Variants in PINK1 observed in about 807,000 individuals in gnomAD.
The protein encoded by PINK1 is PTEN induced kinase 1.
A neutral mutation model predicts 56.0 loss-of-function variants in PINK1; 58 were observed. That is an observed-to-expected ratio of 1.04 (90% confidence interval 0.84 to 1.29). The LOEUF is 1.29. Among genes scored for constraint, PINK1 ranks in the 50% most tolerant of loss-of-function variants. The pLI, the probability that PINK1 is intolerant of heterozygous loss-of-function variation, is 0.00. For synonymous variants in PINK1, 354 were observed against 339.3 expected (o/e 1.04, Z -0.48); for missense variants, 745 against 777.9 (o/e 0.96, Z 0.50).
At chr1:20,634,000 TG>T in intron 1 of PINK1, 65 bp downstream of exon 1, 1 of 696,620 alleles carries the variant, frequency 1.4e-6, no homozygotes, top group Non-Finnish European at 1.9e-6. Context: ...GGTCCTCAGC[TG>T]GGTGGGGGCG....
rs777060019 is a variant in PINK1 at position 20,648,526 on chromosome 1, T to C, written c.1145T>C (p.Ile382Thr). The change falls in exon 6 of 8, where the codon ATC becomes ACC. Residue 382 changes from isoleucine to threonine, a missense_variant. Transcript: ENST00000321556. ...CCAGACGGCTGCCCCTGGCTGGTGA[T>C]CGCAGATTTTGGCTGCTGCCTGGCT... ...LDPDGCPWLVIADFGCCLADE... is the reference protein window; with the variant it reads ...LDPDGCPWLVTADFGCCLADE... 6.2e-7 allele frequency: 1 copy of C among 1,614,184 alleles called. No homozygotes were observed. Among genetic ancestry groups the C allele is most frequent in the South Asian group, 1.1e-5 (1 of 91,088 alleles).
intron 4 of PINK1, among the ~76,000 whole-genome samples, chr1:20,645,172 C>T (rs754528347): frequency 6.6e-6 from 1 of 152,104 alleles, no homozygotes; most frequent in Non-Finnish European, 1.5e-5. Context: ...GGAAGAGGAA[C>T]GGCCTAACCC....
rs752317048 is a variant in PINK1, at chr1:20,650,634, G to A, written c.1689G>A (p.Glu563=). The part of the protein sequence containing the change: ...KMKMLFLANL[E]CETLCQAALL... ...AGATGCTCTTTCTGGCTAACCTGGAGTGTGAAACGCTCTGCCAGGCAGCCC... is the reference window on the plus strand; with the variant it reads ...AGATGCTCTTTCTGGCTAACCTGGAATGTGAAACGCTCTGCCAGGCAGCCC... Residue 563 remains glutamate (E), a synonymous_variant, in exon 8 of 8, where the codon GAG becomes GAA. Coordinates refer to ENST00000321556, the MANE Select transcript of PINK1 (RefSeq NM_032409.3). 1.1e-5 allele frequency: 18 copies of A among 1,614,210 alleles called. No individual in the cohort carries two copies. The East Asian group carries it at 1.6e-4, about 14-fold the overall frequency.
rs1266726428 is a variant in PINK1, at chr1:20,633,718, G to GCAGGGT, written c.172_177dup (p.Arg58_Val59dup). Reference sequence around the variant, plus strand: ...GCCGCAGGACCGGGCGCGGAGCCTCGCAGGGTCGGGCTCGGGCTCCCTAAC... The same window carrying GCAGGGT: ...GCCGCAGGACCGGGCGCGGAGCCTCGCAGGGTCAGGGTCGGGCTCGGGCTCCCTAAC... On this transcript the variant is annotated inframe_insertion, in exon 1 of 8. Coordinates refer to ENST00000321556, the MANE Select transcript of PINK1 (RefSeq NM_032409.3). The GCAGGGT allele has an allele frequency of 7.9e-6, 12 of 1,527,812 alleles. No homozygotes were observed. The Admixed American group carries it at 9.9e-5, about 13-fold the overall frequency. The allele number at this position is 1,527,812 out of a possible 1,614,324, so 94.6% of individuals were successfully genotyped here. A position where few individuals can be genotyped will look rare whatever the true frequency, so the allele number is the denominator to read the frequency against.
rs1191894421 is a variant in PINK1 at position 20,633,971 on chromosome 1, G to C, written c.387+36G>C. ...CCGGGTCCTAAGCCGAGCGGAGGAC[G>C]GAGCTAAGCGCGGGGGCGGGTCCTC... On this transcript the variant is annotated intron_variant, in intron 1 of 7. Coordinates refer to ENST00000321556, the MANE Select transcript of PINK1 (RefSeq NM_032409.3). 5.1e-6 allele frequency: 8 copies of C among 1,562,518 alleles called. No homozygotes were observed. The East Asian group carries it at 7.1e-5, about 14-fold the overall frequency.
chr1:20,635,465 C>T (rs2053047549), intron 1 of PINK1, among the ~76,000 whole-genome samples: 1 of 151,962 alleles, frequency 6.6e-6, no homozygotes, highest in Admixed American at 6.6e-5. Flanking sequence ...CACGCCACTG[C>T]ACTCCAGCCT....
At chr1:20,650,244 A>G (rs2053248694) in intron 7 of PINK1, 190 bp from the exon 8 acceptor site, 2 of 725,444 alleles carry the variant, frequency 2.8e-6, no homozygotes, top group South Asian at 1.6e-5. Context: ...AGGTGTACAC[A>G]TGGAAAAGCT....
chr1:20,650,407 T>C (rs755432820), intron 7 of PINK1, 27 bp from the exon 8 acceptor site: 7 of 1,613,252 alleles, frequency 4.3e-6, no homozygotes, highest in Non-Finnish European at 5.9e-6. Flanking sequence ...ACAGATGTTC[T>C]AGCTACAGCT....
rs61735932 is a variant in PINK1 at position 20,644,548 on chromosome 1, C to T, written c.835C>T (p.Arg279Cys). 7.3e-5 allele frequency: 118 copies of T among 1,614,096 alleles called. No individual in the cohort carries two copies. In the East Asian group the frequency reaches 8.2e-4, roughly 11 times the overall value. The change falls in exon 4 of 8, where the codon CGC (arginine) becomes TGC (cysteine). Residue 279 changes from arginine to cysteine, a missense_variant. By Grantham distance (180) the Arg-to-Cys change is radical (BLOSUM62 -3). Coordinates refer to ENST00000321556, the MANE Select transcript of PINK1 (RefSeq NM_032409.3). The part of the protein sequence containing the change: ...APHPNIIRVL[R>C]AFTSSVPLLP... ...TCACCCCAACATCATCCGGGTTCTC[C>T]GCGCCTTCACCTCTTCCGTGCCGCT...
At chr1:20,647,977 A>T (rs932736696) in intron 5 of PINK1, among the ~76,000 whole-genome samples, 1 of 151,166 alleles carries the variant, frequency 6.6e-6, no homozygotes, top group African/African-American at 2.4e-5. Flanking sequence ...ATGCCTGGCT[A>T]GTTTTTTTGT....
At position 20,639,947 on chromosome 1, in the gene PINK1, C is replaced by T. The variant is rs776953195; in HGVS notation, c.731C>T (p.Ala244Val). The T allele has an allele frequency of 5.6e-6, 9 of 1,612,718 alleles. No individual in the cohort carries two copies. The highest frequency in any genetic ancestry group is 4.5e-5 in the East Asian group (2 of 44,844). ...ACAATGAGCCAGGAGCTGGTCCCAG[C>T]GAGCCGAGTGGCCTTGGCTGGGGAG... The part of the protein sequence containing the change: ...LNTMSQELVP[A>V]SRVALAGEYG... Residue 244 changes from alanine to valine, a missense_variant, in exon 3 of 8, where the codon GCG (alanine) becomes GTG (valine). Physicochemically the swap from Ala to Val is moderately conservative, Grantham distance 64. Transcript: ENST00000321556.
At chr1:20,639,850 G>T (rs2053097381) in intron 2 of PINK1, 42 bp from the exon 3 acceptor site, 1 of 1,566,238 alleles carries the variant, frequency 6.4e-7, no homozygotes, top group Non-Finnish European at 8.7e-7. Flanking sequence ...TTACCATTCT[G>T]CTCCGGCCTG....
rs1291196259 is a variant in PINK1 at position 20,633,504 on chromosome 1, GT to G, written c.-44del. ...TTGTGACCGGCGGGGGACGCCGGTG[GT>G]GGCGGCAGCGGCGGCTGCGGGGGCA... is the stretch of plus-strand genomic sequence containing the variant. On this transcript the variant is annotated 5_prime_UTR_variant, in exon 1 of 8. Transcript: ENST00000321556. 1.8e-6 allele frequency: 2 copies of G among 1,114,324 alleles called. No homozygotes were observed. Among genetic ancestry groups the G allele is most frequent in the African/African-American group, 3.3e-5 (2 of 60,342 alleles). 69.0% of individuals were successfully genotyped at this position (1,114,324 alleles called of 1,614,324 possible).
At chr1:20,645,786 A>C (rs959462988) in intron 5 of PINK1, 63 bp downstream of exon 5, 15 of 1,598,372 alleles carry the variant, frequency 9.4e-6, no homozygotes, top group Non-Finnish European at 1.1e-5. Context: ...AGGAGCATTT[A>C]GGACTGACTC....
intron 7 of PINK1, 49 bp downstream of exon 7, chr1:20,649,280 T>C: frequency 6.3e-7 from 1 of 1,589,968 alleles, no homozygotes; most frequent in Non-Finnish European, 8.6e-7. Context: ...GAAACCTCTG[T>C]TCTCGTTCCA....
At chr1:20,650,082 A>G (rs1209555861) in intron 7 of PINK1, 3 of 367,084 alleles carry the variant, frequency 8.2e-6, no homozygotes, top group East Asian at 1.3e-4. Flanking sequence ...CTTGGTGCGC[A>G]GTGAAGGTTA....
intron 1 of PINK1, among the ~76,000 whole-genome samples, chr1:20,636,977 A>G (rs922463020): frequency 2.0e-5 from 3 of 152,220 alleles, no homozygotes; most frequent in African/African-American, 7.2e-5. Flanking sequence ...CGAGTGACAC[A>G]TGAAAGCAAC....
rs746115592 is a variant in PINK1, at chr1:20,650,666, T to C, written c.1721T>C (p.Leu574Pro). 1 of 1,614,038 alleles carries C rather than the reference T, an allele frequency of 6.2e-7. No individual in the cohort carries two copies. Among genetic ancestry groups the C allele is most frequent in the Non-Finnish European group, 8.5e-7 (1 of 1,180,016 alleles). ...ACGCTCTGCCAGGCAGCCCTCCTCCTCTGCTCATGGAGGGCAGCCCTGTGA... is the reference window on the plus strand; with the variant it reads ...ACGCTCTGCCAGGCAGCCCTCCTCCCCTGCTCATGGAGGGCAGCCCTGTGA... ...CETLCQAALL[L>P]CSWRAAL The change falls in exon 8 of 8, where the codon CTC (leucine) becomes CCC (proline). Residue 574 changes from leucine (L) to proline (P), a missense_variant. Physicochemically the swap from Leu to Pro is moderately conservative, Grantham distance 98 (BLOSUM62 -3). Transcript: ENST00000321556.
Position 20,645,724 on chromosome 1 carries a change from G to C in PINK1, c.1123+1G>C, listed in dbSNP as rs775425667. 1.2e-6 allele frequency: 2 copies of C among 1,614,156 alleles called. No individual in the cohort carries two copies. Among genetic ancestry groups the C allele is most frequent in the South Asian group, 2.2e-5 (2 of 91,084 alleles). On this transcript the variant is annotated splice_donor_variant, in intron 5 of 7. Transcript: ENST00000321556. LOFTEE classifies it high-confidence loss of function. ...AACATCCTTGTGGAGCTGGACCCAG[G>C]TAGGAACCTGCTGCACCATCAGAGC...
Sources: allele counts gnomAD v4.1 joint callset (sites outside exome capture counted in the v4.1 genomes callset), GRCh38; gene constraint gnomAD v4.1.1; transcripts MANE v1.5; gene names NCBI Gene and HGNC (gene_info 2026-07-23, HGNC 2026-07-21).